Variants in NPAS3 observed in about 807,000 individuals in gnomAD.
NPAS3 encodes neuronal PAS domain-containing protein 3.
Under a neutral mutation model 73.1 loss-of-function variants are expected in NPAS3, and 14 were observed. The ratio of observed to expected loss-of-function variants is 0.19; its 90% CI spans 0.13 to 0.30. NPAS3 has a LOEUF of 0.30. Among genes scored for constraint, NPAS3 ranks in the 10% least tolerant of loss-of-function variants. The pLI is 1.00. For missense variants in NPAS3, 1,096 were observed against 1,250.0 expected, an observed-to-expected ratio of 0.88 and a Z score of 1.86; for synonymous variants, 620 against 541.5, an observed-to-expected ratio of 1.14 and a Z score of -2.01.
At chr14:33,305,951 T>C (rs2042737315) in intron 3 of NPAS3, among the ~76,000 whole-genome samples, 1 of 152,224 alleles carries the variant, frequency 6.6e-6, no homozygotes, top group Non-Finnish European at 1.5e-5. Flanking sequence ...TTGGTTTGTT[T>C]ATAGTATGCT....
chr14:33,232,903 C>T (rs943214337), intron 3 of NPAS3, among the ~76,000 whole-genome samples: 33 of 152,234 alleles, frequency 2.2e-4, no homozygotes, highest in Non-Finnish European at 3.2e-4. Context: ...GTTTCTAGGG[C>T]GAGTAGTGCT....
intron 2 of NPAS3, among the ~76,000 whole-genome samples, chr14:33,183,220 G>A (rs2045857901): frequency 6.6e-6 from 1 of 152,086 alleles, no homozygotes. Flanking sequence ...GAGGTCAGGA[G>A]TTCAAGAACA....
intron 7 of NPAS3, among the ~76,000 whole-genome samples, chr14:33,739,354 C>G (rs1242016225): frequency 4.6e-5 from 7 of 152,160 alleles, no homozygotes; most frequent in Non-Finnish European, 1.0e-4. Context: ...TCCTACCCAG[C>G]CTCCTTTATG....
intron 1 of NPAS3, among the ~76,000 whole-genome samples, chr14:32,992,302 G>T (rs968812559): frequency 6.6e-6 from 1 of 152,198 alleles, no homozygotes; most frequent in Non-Finnish European, 1.5e-5. Context: ...AGGTCATTAG[G>T]TAGTAAATTT....
intron 3 of NPAS3, among the ~76,000 whole-genome samples, chr14:33,292,101 T>G (rs2042123004): frequency 6.6e-6 from 1 of 152,254 alleles, no homozygotes; most frequent in African/African-American, 2.4e-5. Context: ...AATACTCTTA[T>G]TTATTCAGTC....
At chr14:33,302,824 T>C (rs1031138717) in intron 3 of NPAS3, among the ~76,000 whole-genome samples, 2 of 152,158 alleles carry the variant, frequency 1.3e-5, no homozygotes, top group African/African-American at 4.8e-5. Context: ...TCCCATTTCA[T>C]ATTTCCACAT....
intron 5 of NPAS3, among the ~76,000 whole-genome samples, chr14:33,671,179 A>T (rs769365438): frequency 6.6e-6 from 1 of 152,182 alleles, no homozygotes; most frequent in Admixed American, 6.6e-5. Flanking sequence ...CAATCAAAGA[A>T]GCACTGAATT....
At chr14:33,638,081 T>C (rs995655516) in intron 5 of NPAS3, among the ~76,000 whole-genome samples, 4 of 152,222 alleles carry the variant, frequency 2.6e-5, no homozygotes, top group South Asian at 2.1e-4. Context: ...TTTTGATAGC[T>C]GATTCTATGT....
chr14:33,612,976 G>A (rs2057797851), intron 5 of NPAS3, among the ~76,000 whole-genome samples: 2 of 152,104 alleles, frequency 1.3e-5, no homozygotes, highest in South Asian at 4.1e-4. Flanking sequence ...AAAGAAAAAA[G>A]CAAGTTTCTT....
At chr14:33,544,747 C>T (rs1337656124) in intron 4 of NPAS3, among the ~76,000 whole-genome samples, 1 of 138,488 alleles carries the variant, frequency 7.2e-6, no homozygotes, top group African/African-American at 2.9e-5. Context: ...AGCCCGGGCC[C>T]ACTAAGACAA....
chr14:33,390,378 G>T (rs1254598222), intron 4 of NPAS3, among the ~76,000 whole-genome samples: 1 of 152,150 alleles, frequency 6.6e-6, no homozygotes, highest in Non-Finnish European at 1.5e-5. Flanking sequence ...AAAGGTAGAA[G>T]ATGATGGCTT....
intron 7 of NPAS3, among the ~76,000 whole-genome samples, chr14:33,752,066 G>A (rs1195101068): frequency 6.6e-6 from 1 of 151,760 alleles, no homozygotes; most frequent in Non-Finnish European, 1.5e-5. Context: ...TGGATTGAAT[G>A]ATTACTTTTT....
At chr14:33,308,553 C>CACATACAT (rs1555371875) in intron 3 of NPAS3, among the ~76,000 whole-genome samples, 9 of 113,896 alleles carry the variant, frequency 7.9e-5, no homozygotes, top group African/African-American at 3.6e-4. Flanking sequence ...CACACACACA[C>CACATACAT]ACATACATAC....
chr14:32,977,061 C>CAA (rs2037708145), intron 1 of NPAS3, among the ~76,000 whole-genome samples: 1 of 151,756 alleles, frequency 6.6e-6, no homozygotes, highest in Non-Finnish European at 1.5e-5. Context: ...CACACACACA[C>CAA]ACACACATAC....
chr14:33,502,361 A>G (rs1223094604), intron 4 of NPAS3, among the ~76,000 whole-genome samples: 1 of 151,328 alleles, frequency 6.6e-6, no homozygotes, highest in Non-Finnish European at 1.5e-5. Context: ...GCGCCCTGGC[A>G]TTTACATCTA....
At chr14:33,093,985 G>A (rs1027499917) in intron 2 of NPAS3, among the ~76,000 whole-genome samples, 1 of 151,988 alleles carries the variant, frequency 6.6e-6, no homozygotes, top group African/African-American at 2.4e-5. Context: ...GGGGGAAGGG[G>A]GAGGGATAGC....
At chr14:33,624,941 C>T (rs2058180286) in intron 5 of NPAS3, among the ~76,000 whole-genome samples, 1 of 152,032 alleles carries the variant, frequency 6.6e-6, no homozygotes, top group Non-Finnish European at 1.5e-5. Flanking sequence ...TGAATACAGC[C>T]AGAACTTGGA....
chr14:33,701,378 C>A (rs1216513314), intron 6 of NPAS3, among the ~76,000 whole-genome samples: 1 of 152,190 alleles, frequency 6.6e-6, no homozygotes, highest in Non-Finnish European at 1.5e-5. Context: ...TGTTAACCTG[C>A]AGGTCTGTTT....
At chr14:33,066,648 CAG>C (rs1359577338) in intron 2 of NPAS3, among the ~76,000 whole-genome samples, 1 of 152,090 alleles carries the variant, frequency 6.6e-6, no homozygotes, top group Non-Finnish European at 1.5e-5. Flanking sequence ...TGCTGTGGTA[CAG>C]AGTGTCCTGA....
Sources: gnomAD v4.1 joint callset for allele counts (sites outside exome capture counted in the v4.1 genomes callset) on GRCh38, gnomAD v4.1.1 for gene constraint, MANE v1.5 for transcripts, NCBI Gene and HGNC (gene_info 2026-07-23, HGNC 2026-07-21) for gene names.